Variants in GRM7 observed in about 807,000 individuals in gnomAD.
GRM7 encodes the protein metabotropic glutamate receptor 7.
GRM7 carries 35 observed loss-of-function variants against 84.5 expected under a neutral mutation model. The observed-to-expected ratio is 0.41, with a 90% confidence interval of 0.32 to 0.55. The LOEUF is 0.55. Ranked by LOEUF, GRM7 falls within the 20% of genes least tolerant of loss-of-function variation. The pLI, the probability that GRM7 is intolerant of heterozygous loss-of-function variation, is 0.19. For synonymous variants in GRM7, 487 were observed against 455.1 expected (o/e 1.07, Z -0.89); for missense variants, 1,003 against 1,194.6 (o/e 0.84, Z 2.36).
intron 1 of GRM7, among the ~76,000 whole-genome samples, chr3:7,107,192 G>A (rs1692687602): frequency 6.6e-6 from 1 of 151,944 alleles, no homozygotes; most frequent in African/African-American, 2.4e-5. Flanking sequence ...GCCAAGCCTT[G>A]GGAAAACAGT....
intron 9 of GRM7, among the ~76,000 whole-genome samples, chr3:7,723,416 C>G (rs1208383637): frequency 6.6e-6 from 1 of 152,114 alleles, no homozygotes; most frequent in South Asian, 2.1e-4. Flanking sequence ...CTTGTTAGAT[C>G]CCCTCAAATT....
chr3:6,998,605 C>T (rs1482398427), intron 1 of GRM7, among the ~76,000 whole-genome samples: 1 of 152,232 alleles, frequency 6.6e-6, no homozygotes, highest in South Asian at 2.1e-4. Context: ...GGGCTCTGCT[C>T]CTGCACCAAA....
At chr3:7,189,267 C>T (rs948806337) in intron 2 of GRM7, among the ~76,000 whole-genome samples, 15 of 152,110 alleles carry the variant, frequency 9.9e-5, no homozygotes, top group African/African-American at 3.6e-4. Context: ...CACACACACA[C>T]GCACGTGAGA....
intron 7 of GRM7, among the ~76,000 whole-genome samples, chr3:7,478,171 G>C (rs1317425558): frequency 6.6e-6 from 1 of 151,992 alleles, no homozygotes; most frequent in Admixed American, 6.6e-5. Context: ...TGAACCTCAT[G>C]CTAACAGCAC....
chr3:7,421,318 A>C (rs1361392581), intron 5 of GRM7, among the ~76,000 whole-genome samples: 1 of 152,168 alleles, frequency 6.6e-6, no homozygotes, highest in East Asian at 1.9e-4. Flanking sequence ...CTTGATTCTG[A>C]GGGCAATAAT....
At chr3:7,647,842 A>T (rs928047320) in intron 8 of GRM7, among the ~76,000 whole-genome samples, 2 of 152,210 alleles carry the variant, frequency 1.3e-5, no homozygotes, top group African/African-American at 4.8e-5. Flanking sequence ...GGGTAGACCA[A>T]GGGAGAAATG....
intron 9 of GRM7, among the ~76,000 whole-genome samples, chr3:7,691,946 AC>A (rs1175962865): frequency 6.6e-6 from 1 of 152,152 alleles, no homozygotes; most frequent in Admixed American, 6.5e-5. Context: ...GGTGTGAGCC[AC>A]TGTGGCCGGC....
chr3:7,258,233 G>T (rs185564271), intron 2 of GRM7, among the ~76,000 whole-genome samples: 1 of 152,032 alleles, frequency 6.6e-6, no homozygotes, highest in African/African-American at 2.4e-5. Context: ...CCCATTTCTT[G>T]GCTAGTTCCC....
chr3:6,904,312 T>C (rs138036607), intron 1 of GRM7, among the ~76,000 whole-genome samples: 29 of 152,312 alleles, frequency 1.9e-4, no homozygotes, highest in African/African-American at 6.3e-4. Flanking sequence ...ATTGTATTTA[T>C]AGTATTTAGT....
chr3:7,550,659 T>G (rs1693424631), intron 7 of GRM7, among the ~76,000 whole-genome samples: 1 of 140,074 alleles, frequency 7.1e-6, no homozygotes, highest in South Asian at 2.7e-4. Context: ...TCACCTCACA[T>G]GAGCCAACTG....
rs138697973 is a variant in GRM7, at chr3:7,342,482, C to T, written c.1033+35830C>T. The stretch of plus-strand genomic sequence containing the variant: ...TTTGGCTTCAGAGTTCCTCTCAACA[C>T]AATTTTTACCATCAGCATAGAAAAT... On this transcript the variant is annotated intron_variant, in intron 4 of 9. Transcript: ENST00000357716. Among the ~76,000 whole-genome samples, 82 of 152,266 alleles carry T rather than the reference C, an allele frequency of 5.4e-4. 2 individuals are homozygous for T. In the East Asian group the frequency reaches 0.015, roughly 29 times the overall value.
chr3:7,061,635 AAG>A (rs985672549), intron 1 of GRM7, among the ~76,000 whole-genome samples: 16 of 151,874 alleles, frequency 1.1e-4, no homozygotes, highest in African/African-American at 3.9e-4. Context: ...AAAATAATGA[AAG>A]AGCAAATTAA....
intron 7 of GRM7, among the ~76,000 whole-genome samples, chr3:7,471,088 TC>T (rs1698682127): frequency 6.6e-6 from 1 of 151,610 alleles, no homozygotes; most frequent in Non-Finnish European, 1.5e-5. Flanking sequence ...TAAAGTCAAA[TC>T]AAGCAAAATA....
chr3:7,057,103 GA>G (rs1477780828), intron 1 of GRM7, among the ~76,000 whole-genome samples: 2 of 151,936 alleles, frequency 1.3e-5, no homozygotes, highest in African/African-American at 2.4e-5. Context: ...CATTTGGTAT[GA>G]AAAGCTAGGC....
At chr3:7,229,759 A>ATATATATATATATATT (rs1434216248) in intron 2 of GRM7, among the ~76,000 whole-genome samples, 2 of 30,422 alleles carry the variant, frequency 6.6e-5, no homozygotes, top group Admixed American at 5.4e-4. Context: ...ATATATATAT[A>ATATATATATATATATT]TTTTTTTTTT....
At chr3:6,913,187 C>A (rs970267885) in intron 1 of GRM7, among the ~76,000 whole-genome samples, 31 of 152,116 alleles carry the variant, frequency 2.0e-4, no homozygotes. Context: ...TTTGCCAGAT[C>A]CCCATTTAGC....
chr3:7,597,031 C>G (rs1039970725), intron 8 of GRM7, among the ~76,000 whole-genome samples: 1 of 152,026 alleles, frequency 6.6e-6, no homozygotes, highest in Non-Finnish European at 1.5e-5. Flanking sequence ...TGTCTTAGGC[C>G]ATTATTATTC....
At chr3:7,067,083 TA>T (rs1697691352) in intron 1 of GRM7, among the ~76,000 whole-genome samples, 1 of 151,878 alleles carries the variant, frequency 6.6e-6, no homozygotes, top group Non-Finnish European at 1.5e-5. Flanking sequence ...TGGGAAAAGT[TA>T]AAAGCATTCC....
intron 8 of GRM7, among the ~76,000 whole-genome samples, chr3:7,628,487 A>G (rs1472481081): frequency 6.6e-6 from 1 of 152,194 alleles, no homozygotes; most frequent in Non-Finnish European, 1.5e-5. Flanking sequence ...AATTATTTCA[A>G]TGTATTGAGA....
Sources: gnomAD v4.1 joint callset for allele counts (sites outside exome capture counted in the v4.1 genomes callset) on GRCh38, gnomAD v4.1.1 for gene constraint, MANE v1.5 for transcripts, NCBI Gene and HGNC (gene_info 2026-07-23, HGNC 2026-07-21) for gene names.